Variants in SETD5 observed in about 807,000 individuals in gnomAD.
The protein encoded by SETD5 is histone-lysine N-methyltransferase SETD5.
SETD5 carries 44 observed loss-of-function variants against 153.3 expected under a neutral mutation model. The observed-to-expected ratio is 0.29, with a 90% CI of 0.23 to 0.37. The LOEUF (loss-of-function observed/expected upper bound fraction) is 0.37. Among genes scored for constraint, SETD5 ranks in the 10% least tolerant of loss-of-function variants. The probability of loss-of-function intolerance (pLI) is 1.00; values close to 1 mark genes in which losing one functional copy is unlikely to be tolerated. For synonymous variants in SETD5, 716 were observed against 645.2 expected (o/e 1.11, Z -1.66); for missense variants, 1,544 against 1,768.0 (o/e 0.87, Z 2.27).
At chr3:9,471,656 C>A (rs560931011) in intron 19 of SETD5, among the ~76,000 whole-genome samples, 14 of 152,340 alleles carry the variant, frequency 9.2e-5, no homozygotes, top group African/African-American at 3.4e-4. Flanking sequence ...TGGGACTCCA[C>A]TTCCAAGTAA....
At chr3:9,403,718 A>T (rs927832525) in intron 1 of SETD5, among the ~76,000 whole-genome samples, 5 of 152,174 alleles carry the variant, frequency 3.3e-5, no homozygotes, top group Non-Finnish European at 7.3e-5. Flanking sequence ...TACAAGTGGG[A>T]TAGTTGCATC....
chr3:9,448,840 AG>A (rs956573546), intron 16 of SETD5, among the ~76,000 whole-genome samples: 9 of 152,182 alleles, frequency 5.9e-5, no homozygotes, highest in Admixed American at 1.3e-4. Flanking sequence ...CTGCATTTTT[AG>A]TGCTCAGATT....
At chr3:9,401,758 CTG>C (rs1683518814) in intron 1 of SETD5, among the ~76,000 whole-genome samples, 3 of 152,148 alleles carry the variant, frequency 2.0e-5, no homozygotes, top group African/African-American at 7.2e-5. Context: ...TGGCTGAACT[CTG>C]GTGATTCATC....
rs547279121 is a variant in SETD5 at position 9,462,477 on chromosome 3, C to T, written c.2477-1948C>T. Among the ~76,000 whole-genome samples, 4 of 151,228 alleles carry T rather than the reference C, an allele frequency of 2.6e-5. No homozygotes were observed. The South Asian group carries it at 8.3e-4, about 32-fold the overall frequency. On this transcript the variant is annotated intron_variant, in intron 17 of 22. Transcript: ENST00000402198. ...TAGCGAGCACCTGTAGTCCCAGCTA[C>T]TCGGGAGGCTGAGGCAGGAGAATGG...
chr3:9,434,070 T>C lies in SETD5; in HGVS notation c.177+120T>C, dbSNP rs768875051. 2.5e-6 allele frequency: 4 copies of C among 1,597,464 alleles called. No individual in the cohort carries two copies. The highest frequency in any genetic ancestry group is 3.4e-6 in the Non-Finnish European group (4 of 1,173,728). ...CATGACGAAGTTGCCCCTTTTGCAC[T>C]TCCCTGACTCCAGCGGACGTCTAGC... On this transcript the variant is annotated intron_variant, in intron 4 of 22. Transcript: ENST00000402198. The surrounding 1 kb of genome is among the most constrained non-coding windows in gnomAD (Gnocchi z 5.6).
chr3:9,454,277 A>G (rs1209729974), intron 17 of SETD5, among the ~76,000 whole-genome samples: 1 of 151,438 alleles, frequency 6.6e-6, no homozygotes, highest in African/African-American at 2.4e-5. Flanking sequence ...GTGAAAAATT[A>G]TTATCAATTG....
chr3:9,433,269 G>A, intron 3 of SETD5: 2 of 751,218 alleles, frequency 2.7e-6, no homozygotes, highest in African/African-American at 3.7e-5. Context: ...ATTGGTGGAT[G>A]AGAAATTATT....
Position 9,464,438 on chromosome 3 carries a change from A to G in SETD5, c.2490A>G (p.Pro830=). ...TGTGTTTCACAGACTTGTTGAGCCCATTAAAGAAATGGAAGTCTCGCTATC... is the reference window on the plus strand; with the variant it reads ...TGTGTTTCACAGACTTGTTGAGCCCGTTAAAGAAATGGAAGTCTCGCTATC... ...ICKDNADLLS[P]LKKWKSRYLM... The change falls in exon 18 of 23, where the codon CCA becomes CCG. Residue 830 remains proline (P), a synonymous_variant. Coordinates refer to ENST00000402198, the MANE Select transcript of SETD5 (RefSeq NM_001080517.3). The G allele has an allele frequency of 3.7e-6, 6 of 1,610,914 alleles. No individual in the cohort carries two copies. Among genetic ancestry groups the G allele is most frequent in the Non-Finnish European group, 4.2e-6 (5 of 1,177,244 alleles).
At chr3:9,448,653 G>T in intron 16 of SETD5, 23 bp downstream of exon 16, 1 of 1,523,336 alleles carries the variant, frequency 6.6e-7, no homozygotes, top group Non-Finnish European at 8.8e-7. Context: ...TTTTGTGTGT[G>T]TGTTGTGTTT....
At position 9,440,649 on chromosome 3, in the gene SETD5, A is replaced by G. The variant is rs1196966661; in HGVS notation, c.761A>G (p.Asn254Ser). The G allele has an allele frequency of 1.2e-6, 2 of 1,613,840 alleles. No homozygotes were observed. Among genetic ancestry groups the G allele is most frequent in the Admixed American group, 1.7e-5 (1 of 60,000 alleles). The change falls in exon 8 of 23, where the codon AAT (asparagine) becomes AGT (serine). Residue 254 changes from asparagine to serine, a missense_variant. Asn to Ser is a conservative substitution (Grantham distance 46). Coordinates refer to ENST00000402198, the MANE Select transcript of SETD5 (RefSeq NM_001080517.3). ...AAACCTACTATTTTAGACACTATTA[A>G]TAAGACTGAATTGGCCTGTAATAAC... ...VGKPTILDTI[N>S]KTELACNNTV...
In SETD5 at chr3:9,397,675, C is replaced by CGCT. The variant is rs1482653717; in HGVS notation, c.-477_-476insTGC. ...CTGCCGCCGCCGCCGCCGCCGCCGC[C>CGCT]GCCGCCGCCGCTGCCGGGGGAGGGG... On this transcript the variant is annotated 5_prime_UTR_variant, in exon 1 of 23. Coordinates refer to ENST00000402198, the MANE Select transcript of SETD5 (RefSeq NM_001080517.3). 18 of 180,462 alleles carry CGCT rather than the reference C, an allele frequency of 1.0e-4. No homozygotes were observed. Among genetic ancestry groups the CGCT allele is most frequent in the Admixed American group, 2.6e-4 (4 of 15,492 alleles). The allele number at this position is 180,462 out of a possible 1,614,324, so 11.2% of individuals were successfully genotyped here.
chr3:9,460,057 C>G (rs182786008), intron 17 of SETD5, among the ~76,000 whole-genome samples: 1 of 151,434 alleles, frequency 6.6e-6, no homozygotes, highest in East Asian at 1.9e-4. Context: ...CCCTCCCCCC[C>G]ACAAAAAAAA....
At chr3:9,424,376 T>C (rs557507880) in intron 1 of SETD5, 91 bp from the exon 2 acceptor site, 20 of 152,316 alleles carry the variant, frequency 1.3e-4, no homozygotes, top group African/African-American at 4.1e-4. Flanking sequence ...CAAGACAGTA[T>C]ACAGAAACAT....
intron 3 of SETD5, chr3:9,430,830 A>G (rs929263763): frequency 3.0e-6 from 3 of 985,320 alleles, no homozygotes; most frequent in Admixed American, 1.2e-4. Context: ...CTTCTGGTCT[A>G]CAAATGTGAC....
intron 17 of SETD5, among the ~76,000 whole-genome samples, chr3:9,464,056 A>T (rs780669043): frequency 1.6e-4 from 25 of 152,214 alleles, no homozygotes; most frequent in Non-Finnish European, 2.2e-4. Flanking sequence ...TGAACCCGGG[A>T]GACGGAGGTT....
At chr3:9,457,745 T>G (rs1402414229) in intron 17 of SETD5, among the ~76,000 whole-genome samples, 2 of 149,176 alleles carry the variant, frequency 1.3e-5, no homozygotes, top group African/African-American at 4.9e-5. Flanking sequence ...TCTTTTTCTT[T>G]TTTTTTTTTT....
chr3:9,432,778 C>G (rs975106586), intron 3 of SETD5, among the ~76,000 whole-genome samples: 11 of 152,124 alleles, frequency 7.2e-5, no homozygotes, highest in African/African-American at 2.7e-4. Context: ...ATGTATAATT[C>G]TACAATAATA....
At chr3:9,410,225 A>T (rs2036347804) in intron 1 of SETD5, among the ~76,000 whole-genome samples, 1 of 152,216 alleles carries the variant, frequency 6.6e-6, no homozygotes, top group African/African-American at 2.4e-5. Context: ...AGTGGTAAGC[A>T]TTTGTGTATC....
At chr3:9,430,867 A>G (rs1244565978) in intron 3 of SETD5, 4 of 985,316 alleles carry the variant, frequency 4.1e-6, no homozygotes, top group Non-Finnish European at 4.8e-6. Flanking sequence ...ACACCAACAT[A>G]TCCTAGGATT....
Sources: gnomAD v4.1 joint callset for allele counts (sites outside exome capture counted in the v4.1 genomes callset) on GRCh38, gnomAD v4.1.1 for gene constraint, Gnocchi (gnomAD v3.1) non-coding constraint, MANE v1.5 for transcripts, NCBI Gene and HGNC (gene_info 2026-07-23, HGNC 2026-07-21) for gene names.